Variants in EPC2 observed in about 807,000 individuals in gnomAD.
The protein encoded by EPC2 is enhancer of polycomb 2.
In EPC2, 14 loss-of-function variants were observed where a neutral mutation model predicts 92.1. The observed-to-expected ratio is 0.15, with a 90% CI of 0.10 to 0.24. The LOEUF is 0.24. Among genes scored for constraint, EPC2 ranks in the 10% least tolerant of loss-of-function variants. EPC2 has a pLI of 1.00. For missense variants in EPC2, 755 were observed against 971.5 expected (o/e 0.78, Z 2.96); for synonymous variants, 340 against 334.7 (o/e 1.02, Z -0.17).
At chr2:148,676,062 A>C (rs1681255374) in intron 1 of EPC2, among the ~76,000 whole-genome samples, 1 of 152,124 alleles carries the variant, frequency 6.6e-6, no homozygotes, top group African/African-American at 2.4e-5. Flanking sequence ...CAACAACAAC[A>C]ATAACATACT....
Position 148,785,006 on chromosome 2 carries a change from G to A in EPC2, c.2351+5G>A, listed in dbSNP as rs1683837470. The A allele has an allele frequency of 6.7e-7, 1 of 1,489,648 alleles. No individual in the cohort carries two copies. 92.3% of individuals were successfully genotyped at this position (1,489,648 alleles called of 1,614,324 possible). ...TGCCATCAGCAGCATAGCAAGGTGT[G>A]TGTGTGTGTTTCAGTGATTTTTCTC... On this transcript the variant is annotated splice_donor_5th_base_variant and intron_variant, in intron 13 of 13. Coordinates refer to ENST00000258484, the MANE Select transcript of EPC2 (RefSeq NM_015630.4).
chr2:148,709,720 A>G (rs542088982), intron 2 of EPC2, among the ~76,000 whole-genome samples: 33 of 152,226 alleles, frequency 2.2e-4, no homozygotes, highest in Non-Finnish European at 4.4e-4. Context: ...ATCTTTGACA[A>G]ACCTGACAAA....
chr2:148,768,489 A>T (rs1241608055), intron 7 of EPC2, among the ~76,000 whole-genome samples: 1 of 152,166 alleles, frequency 6.6e-6, no homozygotes, highest in African/African-American at 2.4e-5. Flanking sequence ...CAGCTTTCTG[A>T]AAGTCTTTAT....
chr2:148,770,677 G>C, intron 8 of EPC2, 115 bp from the exon 9 acceptor site: 1 of 1,169,908 alleles, frequency 8.5e-7, no homozygotes, highest in Non-Finnish European at 1.1e-6. Context: ...TTTATATCTA[G>C]ATTTTAATTG....
At chr2:148,783,532 A>G (rs1683798021) in intron 11 of EPC2, 65 bp from the exon 12 acceptor site, 1 of 1,486,272 alleles carries the variant, frequency 6.7e-7, no homozygotes. Context: ...GGTTTGCCCC[A>G]TCCCTTAATA....
chr2:148,763,510 C>CT (rs142875024), intron 6 of EPC2, among the ~76,000 whole-genome samples: 2,148 of 152,208 alleles, frequency 0.014, 45 homozygotes, highest in African/African-American at 0.048. Flanking sequence ...GACAATAGAG[C>CT]TTTACTCTGT....
intron 2 of EPC2, among the ~76,000 whole-genome samples, chr2:148,719,663 G>T (rs1293385029): frequency 6.6e-6 from 1 of 152,176 alleles, no homozygotes; most frequent in Non-Finnish European, 1.5e-5. Flanking sequence ...CGCCTGTAGG[G>T]GGTGGTTGGA....
intron 1 of EPC2, among the ~76,000 whole-genome samples, chr2:148,677,663 C>T (rs1237807199): frequency 6.6e-6 from 1 of 152,132 alleles, no homozygotes; most frequent in Non-Finnish European, 1.5e-5. Flanking sequence ...TGTTACAGTT[C>T]TTAAAGGTGG....
chr2:148,713,168 G>A lies in EPC2; in HGVS notation c.313+22795G>A, dbSNP rs191097492. Among the ~76,000 whole-genome samples the A allele has an allele frequency of 1.1e-3, 164 of 152,240 alleles. 1 individual carries two copies. Among genetic ancestry groups the A allele is most frequent in the African/African-American group, 3.8e-3 (156 of 41,536 alleles). ...TATCAAAAATTGTAAAACAGCCTTA[G>A]GCAGGTCCTTCAGGAGATATTTCAG... On this transcript the variant is annotated intron_variant, in intron 2 of 13. Coordinates refer to ENST00000258484, the MANE Select transcript of EPC2 (RefSeq NM_015630.4).
chr2:148,653,248 A>G (rs971983870), intron 1 of EPC2, among the ~76,000 whole-genome samples: 1 of 152,220 alleles, frequency 6.6e-6, no homozygotes, highest in Non-Finnish European at 1.5e-5. Flanking sequence ...GTTTCGTTGT[A>G]TTGGTAAACA....
chr2:148,708,766 C>G (rs1682066054), intron 2 of EPC2, among the ~76,000 whole-genome samples: 2 of 152,166 alleles, frequency 1.3e-5, no homozygotes, highest in South Asian at 4.1e-4. Flanking sequence ...TCAGTAGATG[C>G]AGAAAAGGCC....
Position 148,765,004 on chromosome 2 carries a change from A to C in EPC2, c.998A>C (p.Gln333Pro). The change falls in exon 7 of 14, where the codon CAA (glutamine) becomes CCA (proline). Residue 333 changes from glutamine (Q) to proline (P), a missense_variant. Coordinates refer to ENST00000258484, the MANE Select transcript of EPC2 (RefSeq NM_015630.4). ...GAAGAGGCTTCTGATGTGGTTCGTC[A>C]AAAGAAGAAGTACCCAAAGAAGCCT... ...LKEEASDVVR[Q>P]KKKYPKKPKA... 2 of 1,604,360 alleles carry C rather than the reference A, an allele frequency of 1.2e-6. No homozygotes were observed. The highest frequency in any genetic ancestry group is 1.7e-6 in the Non-Finnish European group (2 of 1,175,084).
intron 10 of EPC2, among the ~76,000 whole-genome samples, chr2:148,779,225 G>A (rs1265575406): frequency 6.6e-6 from 1 of 152,186 alleles, no homozygotes; most frequent in Admixed American, 6.5e-5. Flanking sequence ...AACACAGCTA[G>A]TTGGCAATAT....
At chr2:148,779,794 A>G (rs1183615302) in intron 10 of EPC2, among the ~76,000 whole-genome samples, 2 of 152,220 alleles carry the variant, frequency 1.3e-5, no homozygotes, top group African/African-American at 4.8e-5. Context: ...TCACCAGAAC[A>G]TAAAGCTCAA....
intron 1 of EPC2, among the ~76,000 whole-genome samples, chr2:148,652,800 T>C (rs1680714624): frequency 6.6e-6 from 1 of 152,224 alleles, no homozygotes; most frequent in Non-Finnish European, 1.5e-5. Flanking sequence ...GTCCTCTATC[T>C]AATATTAATT....
intron 2 of EPC2, among the ~76,000 whole-genome samples, chr2:148,725,804 T>G (rs1558821341): frequency 6.6e-6 from 1 of 152,138 alleles, no homozygotes; most frequent in Non-Finnish European, 1.5e-5. Context: ...TTTTTATGCT[T>G]TATTGTGGTA....
At chr2:148,669,515 A>C (rs934897972) in intron 1 of EPC2, among the ~76,000 whole-genome samples, 2 of 152,152 alleles carry the variant, frequency 1.3e-5, no homozygotes, top group Admixed American at 1.3e-4. Flanking sequence ...TGTCTCTACA[A>C]AAGAGAAATT....
intron 2 of EPC2, among the ~76,000 whole-genome samples, chr2:148,699,164 C>T (rs1681823140): frequency 6.6e-6 from 1 of 151,984 alleles, no homozygotes; most frequent in African/African-American, 2.4e-5. Flanking sequence ...TTTTAAAAAA[C>T]AAATAAACTA....
In EPC2 at chr2:148,739,832, TC is replaced by T. The variant is rs1208018956; in HGVS notation, c.314-3789del. On this transcript the variant is annotated intron_variant, in intron 2 of 13. Coordinates refer to ENST00000258484, the MANE Select transcript of EPC2 (RefSeq NM_015630.4). ...TTTCTTCCTTTTCTTTTCTTCTTCT[TC>T]TTTTTTTTTTTTTTTTTTTTTTTTT... Among the ~76,000 whole-genome samples the T allele has an allele frequency of 7.1e-3, 643 of 90,222 alleles. 4 individuals carry two copies. Among genetic ancestry groups the T allele is most frequent in the African/African-American group, 0.017 (423 of 25,292 alleles). The allele number at this position is 90,222 out of a possible 152,430, so 59.2% of individuals were successfully genotyped here.
Sources: gnomAD v4.1 joint callset for allele counts (sites outside exome capture counted in the v4.1 genomes callset) on GRCh38, gnomAD v4.1.1 for gene constraint, MANE v1.5 for transcripts, NCBI Gene and HGNC (gene_info 2026-07-23, HGNC 2026-07-21) for gene names.